Variants in ZNF793 observed in about 807,000 individuals in gnomAD.
ZNF793 encodes zinc finger protein 793.
A neutral mutation model predicts 12.4 loss-of-function variants in ZNF793; 5 were observed. That is an observed-to-expected ratio of 0.40 (90% CI 0.21 to 0.84). The LOEUF (loss-of-function observed/expected upper bound fraction) is 0.84, where lower values mean the gene tolerates loss of function less well. Among genes scored for constraint, ZNF793 ranks in the 40% least tolerant of loss-of-function variants. ZNF793 has a pLI of 0.35. For missense variants in ZNF793, 456 were observed against 495.0 expected, an observed-to-expected ratio of 0.92 and a Z score of 0.75; for synonymous variants, 162 against 172.4, an observed-to-expected ratio of 0.94 and a Z score of 0.47.
At chr19:37,519,483 A>G (rs1568788327) in intron 2 of ZNF793, among the ~76,000 whole-genome samples, 1 of 152,212 alleles carries the variant, frequency 6.6e-6, no homozygotes, top group Non-Finnish European at 1.5e-5. Context: ...AAAATAACCA[A>G]TAAAACTTGT....
chr19:37,515,272 G>A (rs1289493307), intron 2 of ZNF793, among the ~76,000 whole-genome samples: 1 of 152,072 alleles, frequency 6.6e-6, no homozygotes, highest in African/African-American at 2.4e-5. Context: ...TAAAATGACT[G>A]TAGGAAAATG....
At chr19:37,516,540 G>A (rs572527706) in intron 2 of ZNF793, among the ~76,000 whole-genome samples, 40 of 152,314 alleles carry the variant, frequency 2.6e-4, no homozygotes, top group African/African-American at 8.4e-4. Context: ...GGGTGTGTAA[G>A]TCACAATCAC....
rs1470039002 is a variant in ZNF793, at chr19:37,537,990, C to A, written c.*111C>A. 7.8e-6 allele frequency: 10 copies of A among 1,283,314 alleles called. No homozygotes were observed. The highest frequency in any genetic ancestry group is 3.1e-5 in the African/African-American group (2 of 64,946). 79.5% of individuals were successfully genotyped at this position (1,283,314 alleles called of 1,614,324 possible). A position where few individuals can be genotyped will look rare whatever the true frequency, so the allele number is the denominator to read the frequency against. On this transcript the variant is annotated 3_prime_UTR_variant, in exon 8 of 8. Transcript: ENST00000627814. ...GCAGTGGCGCGATCTCGGCTTACTG[C>A]AAGCTCTGCCTCCCGGGTTCACGCC...
In ZNF793 at chr19:37,533,366, GA is replaced by G; in HGVS notation, c.202del (p.Ile68LeufsTer30). 6.2e-7 allele frequency: 1 copy of G among 1,614,044 alleles called. No individual in the cohort carries two copies. Among genetic ancestry groups the G allele is most frequent in the Non-Finnish European group, 8.5e-7 (1 of 1,179,894 alleles). ...GACTGGAGCAGGAAGAAGCACCATGGATTGGTGAGGCAGCATGCCCGGGCTG... is the reference window on the plus strand; with the variant it reads ...GACTGGAGCAGGAAGAAGCACCATGGTTGGTGAGGCAGCATGCCCGGGCTG... ...LRLEQEEAPW[I>X]GEAACPGCHC... On this transcript the variant is annotated frameshift_variant, in exon 7 of 8. Transcript: ENST00000627814. LOFTEE classifies it low-confidence loss of function (END_TRUNC).
rs371897623 is a variant in ZNF793 at position 37,537,339 on chromosome 19, C to T, written c.681C>T (p.His227=). ...RKRVPPTEKP[H]VCSECGKAFC... ...GGGTTCCACCTACAGAAAAACCCCA[C>T]GTCTGTAGTGAGTGTGGGAAAGCCT... Residue 227 remains histidine, a synonymous_variant, in exon 8 of 8, where the codon CAC becomes CAT. Coordinates refer to ENST00000627814, the MANE Select transcript of ZNF793 (RefSeq NM_001013659.3). 34 of 1,613,210 alleles carry T rather than the reference C, an allele frequency of 2.1e-5. 1 individual carries two copies. Among genetic ancestry groups the T allele is most frequent in the East Asian group, 1.3e-4 (6 of 44,892 alleles).
At chr19:37,530,947 T>G (rs539871670) in intron 5 of ZNF793, among the ~76,000 whole-genome samples, 1 of 152,184 alleles carries the variant, frequency 6.6e-6, no homozygotes, top group African/African-American at 2.4e-5. Flanking sequence ...TTTTCAAAAT[T>G]CTGTTTATTT....
In ZNF793 at chr19:37,513,968, G is replaced by A. The variant is rs59993329; in HGVS notation, c.-276+5565G>A. ...AATTAATATAAAAAGAAAAATTAAC[G>A]ATCTAAAAAAGGAAAAAGGTAAAGC... On this transcript the variant is annotated intron_variant, in intron 2 of 7. Transcript: ENST00000627814. 9.2e-3 allele frequency among the ~76,000 whole-genome samples: 1,403 copies of A among 151,960 alleles called. 24 individuals are homozygous for A. The highest frequency in any genetic ancestry group is 0.032 in the African/African-American group (1,307 of 41,454).
At position 37,537,385 on chromosome 19, in the gene ZNF793, A is replaced by T. The variant is rs1432959130; in HGVS notation, c.727A>T (p.Ile243Phe). ...GKAFCYKSEF[I>F]RHQRSHTGEK... is the part of the protein sequence containing the mutation. ...AGCCTTCTGCTACAAGTCTGAATTC[A>T]TTAGGCATCAGAGAAGTCACACTGG... The change falls in exon 8 of 8, where the codon ATT becomes TTT. Residue 243 changes from isoleucine to phenylalanine, a missense_variant. By Grantham distance (21) the Ile-to-Phe change is conservative (BLOSUM62 0). Coordinates refer to ENST00000627814, the MANE Select transcript of ZNF793 (RefSeq NM_001013659.3). 6.2e-7 allele frequency: 1 copy of T among 1,613,082 alleles called. No individual in the cohort carries two copies. The highest frequency in any genetic ancestry group is 8.5e-7 in the Non-Finnish European group (1 of 1,179,416).
Position 37,540,975 on chromosome 19 carries a change from T to TA in ZNF793, c.*3101dup, listed in dbSNP as rs1362664301. On this transcript the variant is annotated 3_prime_UTR_variant, in exon 8 of 8. Coordinates refer to ENST00000627814, the MANE Select transcript of ZNF793 (RefSeq NM_001013659.3). ...ACAACAATTATATATCTATAATAAT[T>TA]AAAAATTTTTAAAATGCCATGCTAG... The TA allele has an allele frequency of 2.0e-5, 3 of 151,894 alleles. No homozygotes were observed. The highest frequency in any genetic ancestry group is 7.2e-5 in the African/African-American group (3 of 41,410). 9.4% of individuals were successfully genotyped at this position (151,894 alleles called of 1,614,324 possible).
At chr19:37,520,599 G>A (rs2042367604) in intron 3 of ZNF793, among the ~76,000 whole-genome samples, 2 of 152,202 alleles carry the variant, frequency 1.3e-5, no homozygotes. Flanking sequence ...TGAAGGGAGA[G>A]GTAGGGAGGC....
chr19:37,507,729 G>A (rs781618509), intron 1 of ZNF793, among the ~76,000 whole-genome samples: 11 of 152,306 alleles, frequency 7.2e-5, no homozygotes, highest in Admixed American at 7.2e-4. Context: ...ATCCTCAGTC[G>A]TTGGGATATC....
chr19:37,506,940 T>C lies in ZNF793; in HGVS notation c.-441T>C, dbSNP rs552005002. 6.6e-6 allele frequency: 1 copy of C among 152,284 alleles called. No individual in the cohort carries two copies. Among genetic ancestry groups the C allele is most frequent in the Admixed American group, 6.5e-5 (1 of 15,302 alleles). The allele number at this position is 152,284 out of a possible 1,614,324, so 9.4% of individuals were successfully genotyped here. On this transcript the variant is annotated 5_prime_UTR_variant, in exon 1 of 8. Transcript: ENST00000627814. ...CGCAATTGAGTCTGCGCACCGGCCA[T>C]TCAGGATGGGACGACCTTATACCGC...
intron 1 of ZNF793, 137 bp from the exon 2 acceptor site, chr19:37,508,128 T>C (rs190880455): frequency 6.6e-6 from 1 of 152,336 alleles, no homozygotes; most frequent in East Asian, 1.9e-4. Context: ...CACACCCTTT[T>C]TATTGTTCTC....
intron 5 of ZNF793, among the ~76,000 whole-genome samples, chr19:37,525,634 G>A (rs992452689): frequency 6.7e-5 from 10 of 149,968 alleles, no homozygotes; most frequent in African/African-American, 2.0e-4. Context: ...ACAGGGTTTC[G>A]ATGGTCTCGA....
intron 2 of ZNF793, among the ~76,000 whole-genome samples, chr19:37,518,194 C>T (rs1185948496): frequency 1.3e-5 from 2 of 152,002 alleles, no homozygotes; most frequent in Admixed American, 6.6e-5. Context: ...GGCGCAATCT[C>T]GGCTCGCTGC....
chr19:37,525,974 C>T (rs1246665780), intron 5 of ZNF793, among the ~76,000 whole-genome samples: 2 of 152,132 alleles, frequency 1.3e-5, no homozygotes, highest in Non-Finnish European at 2.9e-5. Context: ...AAGACTTCTC[C>T]TTTCCCTGAG....
intron 1 of ZNF793, among the ~76,000 whole-genome samples, chr19:37,507,588 A>G (rs1297431846): frequency 6.6e-6 from 1 of 152,110 alleles, no homozygotes; most frequent in Non-Finnish European, 1.5e-5. Context: ...AGTATTAACG[A>G]TTGGACTTTT....
rs750448238 is a variant in ZNF793 at position 37,533,370 on chromosome 19, G to T, written c.205G>T (p.Gly69Cys). The change falls in exon 7 of 8, where the codon GGT (glycine) becomes TGT (cysteine). Residue 69 changes from glycine to cysteine, a missense_variant. Coordinates refer to ENST00000627814, the MANE Select transcript of ZNF793 (RefSeq NM_001013659.3). ...GGAGCAGGAAGAAGCACCATGGATTGGTGAGGCAGCATGCCCGGGCTGCCA... is the reference window on the plus strand; with the variant it reads ...GGAGCAGGAAGAAGCACCATGGATTTGTGAGGCAGCATGCCCGGGCTGCCA... Reference protein sequence around the residue: ...RLEQEEAPWIGEAACPGCHCW... With the variant: ...RLEQEEAPWICEAACPGCHCW... 1.1e-4 allele frequency: 175 copies of T among 1,614,008 alleles called. 1 individual carries two copies. In the Middle Eastern group the frequency reaches 2.5e-3, roughly 23 times the overall value.
intron 5 of ZNF793, among the ~76,000 whole-genome samples, chr19:37,527,281 TG>T (rs1427277954): frequency 6.6e-6 from 1 of 152,172 alleles, no homozygotes; most frequent in African/African-American, 2.4e-5. Context: ...CTTGAACTCC[TG>T]ACCTCAGGTG....
Sources: allele counts gnomAD v4.1 joint callset (sites outside exome capture counted in the v4.1 genomes callset), GRCh38; gene constraint gnomAD v4.1.1; transcripts MANE v1.5; gene names NCBI Gene and HGNC (gene_info 2026-07-23, HGNC 2026-07-21).